RYR3: variants seen among roughly 807,000 people sequenced by gnomAD.
RYR3 encodes the protein ryanodine receptor 3.
Under a neutral mutation model 584.3 loss-of-function variants are expected in RYR3, and 207 were observed. The ratio of observed to expected loss-of-function variants is 0.35; its 90% CI spans 0.32 to 0.40. The LOEUF (loss-of-function observed/expected upper bound fraction) is 0.40, where lower values mean the gene tolerates loss of function less well. RYR3 is among the 10% of genes least tolerant of loss of function. The pLI is 1.00. For synonymous variants in RYR3, 2,416 were observed against 2,248.5 expected, an observed-to-expected ratio of 1.07 and a Z score of -2.11; for missense variants, 5,616 against 6,089.2, an observed-to-expected ratio of 0.92 and a Z score of 2.59.
At chr15:33,814,794 G>C (rs2076721098) in intron 74 of RYR3, among the ~76,000 whole-genome samples, 1 of 151,850 alleles carries the variant, frequency 6.6e-6, no homozygotes, top group African/African-American at 2.4e-5. Flanking sequence ...CCAGCTACTT[G>C]GGAGGCTGAG....
In RYR3 at chr15:33,632,965, G is replaced by A. The variant is rs370535769; in HGVS notation, c.2884G>A (p.Gly962Ser). 26 of 1,613,056 alleles carry A rather than the reference G, an allele frequency of 1.6e-5. No homozygotes were observed. In the African/African-American group the frequency reaches 2.1e-4, roughly 13 times the overall value. ...TACTTGTAGCTATATGATGTCCAAC[G>A]GCTATAAGCCAGCCCCTTTGGATTT... is the stretch of plus-strand genomic sequence containing the variant. ...KLPKNYMMSN[G>S]YKPAPLDLSD... Residue 962 changes from glycine (G) to serine (S), a missense_variant, in exon 24 of 104, where the codon GGC becomes AGC. Physicochemically the swap from Gly to Ser is moderately conservative, Grantham distance 56 (BLOSUM62 0). Around this residue, in one of 9 missense-constraint regions of RYR3, gnomAD observed 1,284 missense variants for 1,344.6 expected, o/e 0.95. Coordinates refer to ENST00000634891, the MANE Select transcript of RYR3 (RefSeq NM_001036.6).
chr15:33,540,806 A>G lies in RYR3; in HGVS notation c.562A>G (p.Asn188Asp), dbSNP rs199836146. Residue 188 changes from asparagine to aspartate, a missense_variant, in exon 7 of 104, where the codon AAT (asparagine) becomes GAT (aspartate). Physicochemically the swap from Asn to Asp is conservative, Grantham distance 23. Coordinates refer to ENST00000634891, the MANE Select transcript of RYR3 (RefSeq NM_001036.6). ...TCTGCTGCAGCATCTCTCAGTATCAAATGGTAACATACAAGTGGATGCCTC... is the reference window on the plus strand; with the variant it reads ...TCTGCTGCAGCATCTCTCAGTATCAGATGGTAACATACAAGTGGATGCCTC... ...SERYLHLSVS[N>D]GNIQVDASFM... 6.2e-7 allele frequency: 1 copy of G among 1,609,132 alleles called. No individual in the cohort carries two copies. The highest frequency in any genetic ancestry group is 1.3e-5 in the African/African-American group (1 of 74,924).
chr15:33,638,828 AC>A (rs1297109614), intron 27 of RYR3, among the ~76,000 whole-genome samples: 1 of 151,462 alleles, frequency 6.6e-6, no homozygotes, highest in Non-Finnish European at 1.5e-5. Flanking sequence ...CATGTTAACT[AC>A]AGAATACAAG....
intron 51 of RYR3, among the ~76,000 whole-genome samples, chr15:33,740,594 C>G (rs912583544): frequency 2.0e-5 from 3 of 152,186 alleles, no homozygotes; most frequent in Non-Finnish European, 2.9e-5. Context: ...GTGTGCTTAT[C>G]CCTTGGGCAA....
chr15:33,652,275 CT>C (rs2062522406), intron 31 of RYR3, among the ~76,000 whole-genome samples: 1 of 152,142 alleles, frequency 6.6e-6, no homozygotes, highest in Non-Finnish European at 1.5e-5. Flanking sequence ...GTTTTACAGC[CT>C]TTTGCCCTGG....
intron 43 of RYR3, among the ~76,000 whole-genome samples, chr15:33,716,644 G>A (rs2067513144): frequency 6.6e-6 from 1 of 152,138 alleles, no homozygotes; most frequent in Non-Finnish European, 1.5e-5. Flanking sequence ...AGCTGGCTGG[G>A]GTGAAAGGAT....
intron 38 of RYR3, among the ~76,000 whole-genome samples, chr15:33,681,821 A>G (rs1409704521): frequency 6.6e-6 from 1 of 152,200 alleles, no homozygotes. Flanking sequence ...TTTTTCTTCC[A>G]AACTGACCCA....
intron 40 of RYR3, 138 bp downstream of exon 40, chr15:33,698,134 G>A (rs2065992438): frequency 3.1e-6 from 2 of 654,050 alleles, no homozygotes; most frequent in Non-Finnish European, 5.6e-6. Context: ...ACAGTGCCAA[G>A]AAGGAGCCAA....
intron 62 of RYR3, 96 bp downstream of exon 62, chr15:33,769,268 G>T (rs2073374444): frequency 1.1e-6 from 1 of 946,352 alleles, no homozygotes; most frequent in Admixed American, 1.7e-5. Context: ...GATCGCTGCT[G>T]CCAGGCTTTG....
At chr15:33,469,835 G>T (rs777221077) in intron 1 of RYR3, among the ~76,000 whole-genome samples, 2 of 152,174 alleles carry the variant, frequency 1.3e-5, no homozygotes, top group Non-Finnish European at 2.9e-5. Context: ...TCGTTGAGCA[G>T]TCCCTTATAT....
chr15:33,345,578 A>G (rs553138073), intron 1 of RYR3, among the ~76,000 whole-genome samples: 8 of 152,146 alleles, frequency 5.3e-5, no homozygotes, highest in Admixed American at 5.2e-4. Context: ...TAGACCAGCC[A>G]CAAGACTAAG....
rs190965679 is a variant in RYR3, at chr15:33,779,998, A to G, written c.9138-213A>G. On this transcript the variant is annotated intron_variant, in intron 64 of 103. Transcript: ENST00000634891. ...TGCACTCCAGCCTGGGTGACAGAGC[A>G]AGACTCCGTCTCAAAAAAAAAGAAC... Among the ~76,000 whole-genome samples the G allele has an allele frequency of 1.7e-3, 260 of 152,210 alleles. 3 individuals carry two copies. Among genetic ancestry groups the G allele is most frequent in the African/African-American group, 5.9e-3 (245 of 41,540 alleles).
chr15:33,623,553 C>T (rs944052390), intron 19 of RYR3, among the ~76,000 whole-genome samples: 33 of 151,960 alleles, frequency 2.2e-4, no homozygotes, highest in African/African-American at 7.7e-4. Context: ...TTCTAAAAAC[C>T]TAGTGGTTTA....
intron 49 of RYR3, 29 bp from the exon 50 acceptor site, chr15:33,738,421 G>T (rs568306354): frequency 6.3e-7 from 1 of 1,594,486 alleles, no homozygotes; most frequent in African/African-American, 1.3e-5. Context: ...ATGCCACCCC[G>T]CTGGTCTGTC....
intron 38 of RYR3, among the ~76,000 whole-genome samples, chr15:33,676,906 C>T (rs1446499419): frequency 2.0e-5 from 3 of 152,136 alleles, no homozygotes; most frequent in African/African-American, 7.2e-5. Flanking sequence ...GTAGCCTGTG[C>T]TTTAGTGATG....
chr15:33,330,611 A>C (rs1970267817), intron 1 of RYR3, among the ~76,000 whole-genome samples: 1 of 152,166 alleles, frequency 6.6e-6, no homozygotes, highest in African/African-American at 2.4e-5. Context: ...GATTTGAATT[A>C]GAGTATTAAA....
chr15:33,805,074 A>G (rs1251888849), intron 69 of RYR3, among the ~76,000 whole-genome samples: 1 of 152,238 alleles, frequency 6.6e-6, no homozygotes, highest in Non-Finnish European at 1.5e-5. Context: ...TTTTGTGTAT[A>G]TAACACCAGT....
chr15:33,421,926 T>C lies in RYR3; in HGVS notation c.52-51493T>C, dbSNP rs142509912. 8.6e-4 allele frequency among the ~76,000 whole-genome samples: 131 copies of C among 152,278 alleles called. 3 individuals carry two copies. The East Asian group carries it at 0.021, about 24-fold the overall frequency. ...TGGAAGACCTGCTTGGAAACAGACA[T>C]ATTTAGATAAGAATAATCAAATTAC... On this transcript the variant is annotated intron_variant, in intron 1 of 103. Transcript: ENST00000634891.
At chr15:33,325,167 T>C (rs921487137) in intron 1 of RYR3, among the ~76,000 whole-genome samples, 1 of 152,216 alleles carries the variant, frequency 6.6e-6, no homozygotes, top group Non-Finnish European at 1.5e-5. Context: ...TGAAGGTTAT[T>C]TGATGTCAGT....
Sources: gnomAD v4.1 joint callset for allele counts (sites outside exome capture counted in the v4.1 genomes callset) on GRCh38, gnomAD v4.1.1 for gene constraint, gnomAD v4.1.1 regional missense constraint, MANE v1.5 for transcripts, NCBI Gene and HGNC (gene_info 2026-07-23, HGNC 2026-07-21) for gene names.